Variants in EEF2KMT observed in about 807,000 individuals in gnomAD.
EEF2KMT encodes protein-lysine N-methyltransferase EEF2KMT.
In EEF2KMT, 30 loss-of-function variants were observed where a neutral mutation model predicts 35.1. The observed-to-expected ratio is 0.85, with a 90% confidence interval of 0.64 to 1.16. EEF2KMT has a LOEUF of 1.16. Ranked by LOEUF, EEF2KMT falls within the 50% of genes most tolerant of loss-of-function variation. EEF2KMT has a pLI of 0.00. For missense variants in EEF2KMT, 499 were observed against 438.2 expected, an observed-to-expected ratio of 1.14 and a Z score of -1.24; for synonymous variants, 190 against 187.7, an observed-to-expected ratio of 1.01 and a Z score of -0.10.
In EEF2KMT at chr16:5,085,458, C is replaced by G. The variant is rs1336317557; in HGVS notation, c.*174G>C. Reference sequence around the variant, plus strand: ...GAACTGCTGGCAGAAAGGGGGCACCCACACGCTTAGATAGCCGATGTCTTA... The same window carrying G: ...GAACTGCTGGCAGAAAGGGGGCACCGACACGCTTAGATAGCCGATGTCTTA... On this transcript the variant is annotated 3_prime_UTR_variant, in exon 8 of 8. Coordinates refer to ENST00000427587, the MANE Select transcript of EEF2KMT (RefSeq NM_201400.4). 1.3e-5 allele frequency: 8 copies of G among 629,368 alleles called. No homozygotes were observed. The African/African-American group carries it at 1.5e-4, about 11-fold the overall frequency. The allele number at this position is 629,368 out of a possible 1,614,324, so 39.0% of individuals were successfully genotyped here.
intron 3 of EEF2KMT, 65 bp downstream of exon 3, chr16:5,093,418 AC>A: frequency 6.2e-7 from 1 of 1,609,192 alleles, no homozygotes; most frequent in Non-Finnish European, 8.5e-7. Context: ...CCTGGGAAGG[AC>A]GGGGGCTCCA....
At chr16:5,093,860 C>T (rs1486027772) in intron 2 of EEF2KMT, among the ~76,000 whole-genome samples, 2 of 152,228 alleles carry the variant, frequency 1.3e-5, no homozygotes, top group Non-Finnish European at 2.9e-5. Flanking sequence ...CCAGTGTGAA[C>T]CAGGGTTTGC....
rs867547136 is a variant in EEF2KMT, at chr16:5,085,351, A to G, written c.*281T>C. On this transcript the variant is annotated 3_prime_UTR_variant, in exon 8 of 8. Coordinates refer to ENST00000427587, the MANE Select transcript of EEF2KMT (RefSeq NM_201400.4). ...TGGGGGAACATCATACTTGATACAC[A>G]CGTTTTTATTTGCACAAAGAAAATG... The G allele has an allele frequency of 7.8e-6, 4 of 515,676 alleles. No homozygotes were observed. The Middle Eastern group carries it at 1.7e-3, about 219-fold the overall frequency. 31.9% of individuals were successfully genotyped at this position (515,676 alleles called of 1,614,324 possible).
chr16:5,094,835 T>C (rs1957419296), intron 2 of EEF2KMT, among the ~76,000 whole-genome samples: 1 of 152,226 alleles, frequency 6.6e-6, no homozygotes, highest in Admixed American at 6.5e-5. Flanking sequence ...TGAGTTTGTA[T>C]GGAAAATGTA....
In EEF2KMT at chr16:5,085,045, A is replaced by G. The variant is rs990240413; in HGVS notation, c.*587T>C. ...AAAGAATTGGTTCTGTGACCCGGGA[A>G]GCTTTGGTTGGCCTTGATTTCTTCT... On this transcript the variant is annotated 3_prime_UTR_variant, in exon 8 of 8. Transcript: ENST00000427587. 7.4e-7 allele frequency: 1 copy of G among 1,349,950 alleles called. No individual in the cohort carries two copies. Among genetic ancestry groups the G allele is most frequent in the Non-Finnish European group, 1.0e-6 (1 of 984,016 alleles). 83.6% of individuals were successfully genotyped at this position (1,349,950 alleles called of 1,614,324 possible). A position where few individuals can be genotyped will look rare whatever the true frequency, so the allele number is the denominator to read the frequency against.
At position 5,084,799 on chromosome 16, in the gene EEF2KMT, G is replaced by A. The variant is rs775607100; in HGVS notation, c.*833C>T. 16 of 1,596,338 alleles carry A rather than the reference G, an allele frequency of 1.0e-5. No individual in the cohort carries two copies. Among genetic ancestry groups the A allele is most frequent in the African/African-American group, 5.3e-5 (4 of 74,846 alleles). On this transcript the variant is annotated 3_prime_UTR_variant, in exon 8 of 8. Coordinates refer to ENST00000427587, the MANE Select transcript of EEF2KMT (RefSeq NM_201400.4). The stretch of plus-strand genomic sequence containing the variant: ...CCTGCGGGCAAGCTAAACCAGTTCC[G>A]GAAGAACCTGCGGGAGTCGCAGCAG...
rs766013157 is a variant in EEF2KMT at position 5,090,271 on chromosome 16, G to T, written c.555C>A (p.Ile185=). The T allele has an allele frequency of 7.6e-5, 123 of 1,611,940 alleles. No homozygotes were observed. In the Admixed American group the frequency reaches 2.0e-3, roughly 26 times the overall value. Residue 185 remains isoleucine (I), a synonymous_variant, in exon 6 of 8, where the codon ATC becomes ATA. Coordinates refer to ENST00000427587, the MANE Select transcript of EEF2KMT (RefSeq NM_201400.4). This position sits in a 1 kb window ranked among gnomAD's most constrained non-coding sequence, Gnocchi z 4.1. ...GGACCCGGCTGTGACAGTCGCTGAA[G>T]ATGTATGCCCGGGGGCGGCACATCT... The part of the protein sequence containing the change: ...ICKMCRPRAY[I]FSDCHSRVLE...
rs967716619 is a variant in EEF2KMT at position 5,097,652 on chromosome 16, G to A, written c.88C>T (p.Pro30Ser). ...FLAARTLRSFPWQSLEAKLRD... is the reference protein window; with the variant it reads ...FLAARTLRSFSWQSLEAKLRD... ...CTCGCCCCGCCGCCCACCTGCCAGGGGAAGGAGCGCAGTGTGCGTGCCGCC... is the reference window on the plus strand; with the variant it reads ...CTCGCCCCGCCGCCCACCTGCCAGGAGAAGGAGCGCAGTGTGCGTGCCGCC... The change falls in exon 1 of 8, where the codon CCC becomes TCC. Residue 30 changes from proline to serine, a missense_variant. Transcript: ENST00000427587. 12 of 1,570,110 alleles carry A rather than the reference G, an allele frequency of 7.6e-6. No individual in the cohort carries two copies. Among genetic ancestry groups the A allele is most frequent in the Admixed American group, 3.6e-5 (2 of 54,816 alleles).
At chr16:5,092,442 A>G (rs556321410) in intron 3 of EEF2KMT, among the ~76,000 whole-genome samples, 13 of 152,352 alleles carry the variant, frequency 8.5e-5, no homozygotes, top group Admixed American at 5.2e-4. Context: ...GCAGCAGCAG[A>G]GTACACTGGG....
At chr16:5,086,411 C>T (rs1198017441) in intron 7 of EEF2KMT, 1 of 151,092 alleles carries the variant, frequency 6.6e-6, no homozygotes, top group Non-Finnish European at 1.5e-5. Context: ...CTGCTGTTCT[C>T]ATAAGCACAG....
Position 5,090,075 on chromosome 16 carries a change from G to A in EEF2KMT, c.742+9C>T, listed in dbSNP as rs1220492760. ...CCACCTGCACAGGGTGCCCGGGGCTGGGCATTACCTGCTGCAATGACAACA... is the reference window on the plus strand; with the variant it reads ...CCACCTGCACAGGGTGCCCGGGGCTAGGCATTACCTGCTGCAATGACAACA... On this transcript the variant is annotated intron_variant, in intron 6 of 7. Coordinates refer to ENST00000427587, the MANE Select transcript of EEF2KMT (RefSeq NM_201400.4). This position sits in a 1 kb window ranked among gnomAD's most constrained non-coding sequence, Gnocchi z 4.1. The A allele has an allele frequency of 1.9e-6, 3 of 1,602,590 alleles. No individual in the cohort carries two copies. Among genetic ancestry groups the A allele is most frequent in the Non-Finnish European group, 2.5e-6 (3 of 1,179,808 alleles).
intron 7 of EEF2KMT, among the ~76,000 whole-genome samples, chr16:5,088,573 AG>A (rs1280587780): frequency 3.3e-5 from 5 of 151,804 alleles, no homozygotes; most frequent in Non-Finnish European, 7.4e-5. Context: ...TTTGTTGGTG[AG>A]ATGGGACAGT....
At chr16:5,093,463 C>T (rs760114917) in intron 3 of EEF2KMT, 21 bp downstream of exon 3, 20 of 1,611,542 alleles carry the variant, frequency 1.2e-5, no homozygotes, top group East Asian at 2.2e-5. Context: ...GGCTACTGGG[C>T]GGACACTGCC....
intron 3 of EEF2KMT, among the ~76,000 whole-genome samples, chr16:5,092,195 G>C (rs1023259722): frequency 2.6e-5 from 4 of 152,132 alleles, no homozygotes; most frequent in Non-Finnish European, 4.4e-5. Flanking sequence ...GGAGGGCCTT[G>C]AACCAGAGGT....
chr16:5,094,247 C>G (rs986143854), intron 2 of EEF2KMT, among the ~76,000 whole-genome samples: 7 of 152,168 alleles, frequency 4.6e-5, no homozygotes, highest in Non-Finnish European at 8.8e-5. Context: ...AATACACAGG[C>G]TCTTCAGGCT....
chr16:5,090,005 G>A lies in EEF2KMT; in HGVS notation c.742+79C>T. On this transcript the variant is annotated intron_variant, in intron 6 of 7. Transcript: ENST00000427587. This position sits in a 1 kb window ranked among gnomAD's most constrained non-coding sequence, Gnocchi z 4.1. ...ATGTCCATGCCCGACAGCGTCCATT[G>A]TTCCCTTTTCCCAGAGCCAAGAGCT... 6.3e-7 allele frequency: 1 copy of A among 1,584,384 alleles called. No individual in the cohort carries two copies. Among genetic ancestry groups the A allele is most frequent in the Non-Finnish European group, 8.5e-7 (1 of 1,173,270 alleles).
intron 2 of EEF2KMT, among the ~76,000 whole-genome samples, chr16:5,094,064 G>C (rs1050968962): frequency 5.9e-5 from 9 of 152,222 alleles, no homozygotes; most frequent in African/African-American, 2.2e-4. Context: ...GCTGGTGCAA[G>C]CTCTGAGGTG....
At chr16:5,089,712 G>T (rs1957299349) in intron 6 of EEF2KMT, among the ~76,000 whole-genome samples, 1 of 152,184 alleles carries the variant, frequency 6.6e-6, no homozygotes, top group South Asian at 2.1e-4. Flanking sequence ...GACTGAGTGT[G>T]CTGGCAGGGG....
intron 1 of EEF2KMT, chr16:5,097,303 T>G (rs1815970367): frequency 1.5e-6 from 2 of 1,350,986 alleles, no homozygotes; most frequent in Non-Finnish European, 9.7e-7. Context: ...GGCGCTGACT[T>G]TTTAGAATGG....
Sources: gnomAD v4.1 joint callset for allele counts (sites outside exome capture counted in the v4.1 genomes callset) on GRCh38, gnomAD v4.1.1 for gene constraint, Gnocchi (gnomAD v3.1) non-coding constraint, MANE v1.5 for transcripts, NCBI Gene and HGNC (gene_info 2026-07-23, HGNC 2026-07-21) for gene names.